OLAH: variants seen among roughly 807,000 people sequenced by gnomAD.
The protein encoded by OLAH is S-acyl fatty acid synthase thioesterase, medium chain.
In OLAH, 33 loss-of-function variants were observed where a neutral mutation model predicts 27.8. The ratio of observed to expected loss-of-function variants is 1.19; its 90% CI spans 0.90 to 1.59. OLAH has a LOEUF of 1.59. Among genes scored for constraint, OLAH ranks in the 40% most tolerant of loss-of-function variants. The pLI is 0.00. For missense variants in OLAH, 359 were observed against 310.8 expected, an observed-to-expected ratio of 1.16 and a Z score of -1.17; for synonymous variants, 120 against 102.9, an observed-to-expected ratio of 1.17 and a Z score of -1.01.
At chr10:15,042,308 C>T (rs1481029179), upstream of OLAH, among the ~76,000 whole-genome samples, 1 of 151,944 alleles carries the variant, frequency 6.6e-6, no homozygotes. Context: ...CCCGCCATCA[C>T]GCCCAGCTAA....
chr10:15,038,647 C>T (rs12241528), intron 1 of OLAH: 15,732 of 152,330 alleles, frequency 0.1, 1,022 homozygotes, highest in Admixed American at 0.17. Flanking sequence ...CCTTGCCTTC[C>T]ACCATGATTG....
intron 1 of OLAH, among the ~76,000 whole-genome samples, chr10:15,044,889 A>T (rs1843985748): frequency 6.6e-6 from 1 of 152,026 alleles, no homozygotes; most frequent in East Asian, 1.9e-4. Flanking sequence ...CTCTATAAAG[A>T]TTGCTTTTTT....
chr10:15,057,301 C>T (rs891429100), intron 3 of OLAH, among the ~76,000 whole-genome samples: 3 of 151,914 alleles, frequency 2.0e-5, no homozygotes, highest in Non-Finnish European at 2.9e-5. Flanking sequence ...GGCTTAGCAA[C>T]GCTTACTGAG....
At chr10:15,036,079 T>C (rs905130113) in intron 1 of OLAH, among the ~76,000 whole-genome samples, 4 of 152,206 alleles carry the variant, frequency 2.6e-5, no homozygotes, top group African/African-American at 9.7e-5. Flanking sequence ...CACGACCTGC[T>C]AAGAAGGTCC....
chr10:15,037,923 G>C, intron 1 of OLAH, among the ~76,000 whole-genome samples: 1 of 152,214 alleles, frequency 6.6e-6, no homozygotes, highest in East Asian at 1.9e-4. Flanking sequence ...GGCCAGGAAC[G>C]CTGCCTGGAT....
At chr10:15,037,580 C>CAAAA (rs66522152) in intron 1 of OLAH, among the ~76,000 whole-genome samples, 1 of 141,210 alleles carries the variant, frequency 7.1e-6, no homozygotes, top group Admixed American at 7.1e-5. Context: ...GACTCCGTAT[C>CAAAA]AAAAAAAAAA....
intron 1 of OLAH, among the ~76,000 whole-genome samples, chr10:15,045,369 A>C (rs1843995321): frequency 6.6e-6 from 1 of 152,202 alleles, no homozygotes; most frequent in Admixed American, 6.5e-5. Context: ...CACCAAAAAA[A>C]TTTGTATCCC....
chr10:15,062,535 T>G (rs1210517600), intron 4 of OLAH, among the ~76,000 whole-genome samples: 8 of 151,626 alleles, frequency 5.3e-5, no homozygotes, highest in African/African-American at 1.7e-4. Flanking sequence ...TTAAAAGCAA[T>G]GTACACTCAC....
At chr10:15,043,062 A>G (rs189011198), upstream of OLAH, among the ~76,000 whole-genome samples, 1,516 of 151,782 alleles carry the variant, frequency 1.0e-2, 18 homozygotes, top group African/African-American at 0.031. Context: ...GGGTTTCACC[A>G]TGTTAGCCAG....
upstream of OLAH, among the ~76,000 whole-genome samples, chr10:15,043,481 T>C (rs1843958272): frequency 2.6e-5 from 4 of 151,348 alleles, no homozygotes; most frequent in African/African-American, 4.8e-5. Context: ...CTTCTTCTTT[T>C]TTTTTTTTTT....
At chr10:15,052,892 AC>A (rs1461322162) in intron 3 of OLAH, among the ~76,000 whole-genome samples, 19 of 151,660 alleles carry the variant, frequency 1.3e-4, no homozygotes. Flanking sequence ...ACAGGCATGC[AC>A]CACCATGGCT....
chr10:15,046,274 C>G (rs748139916), intron 1 of OLAH, among the ~76,000 whole-genome samples: 11 of 151,190 alleles, frequency 7.3e-5, no homozygotes, highest in Non-Finnish European at 4.4e-5. Flanking sequence ...TGAACTTGAG[C>G]CACTGCACTC....
At chr10:15,071,765 A>G in intron 6 of OLAH, 30 bp from the exon 7 acceptor site, 3 of 1,563,204 alleles carry the variant, frequency 1.9e-6, no homozygotes, top group Non-Finnish European at 2.6e-6. Flanking sequence ...GATTTCAAAC[A>G]ATTACTAACC....
chr10:15,071,925 T>C (rs760928154), intron 7 of OLAH, 48 bp downstream of exon 7: 4 of 1,443,622 alleles, frequency 2.8e-6, no homozygotes, highest in Non-Finnish European at 3.9e-6. Context: ...ATATGTTTGA[T>C]GGCTTTAAAA....
At chr10:15,047,682 T>G (rs924926090) in intron 2 of OLAH, among the ~76,000 whole-genome samples, 1 of 152,106 alleles carries the variant, frequency 6.6e-6, no homozygotes, top group Non-Finnish European at 1.5e-5. Context: ...TCCAGCCTGG[T>G]TGACAGCAAG....
chr10:15,050,593 G>T (rs911380874), intron 3 of OLAH, among the ~76,000 whole-genome samples: 3 of 138,032 alleles, frequency 2.2e-5, no homozygotes, highest in African/African-American at 8.3e-5. Context: ...CCAGGCTGGA[G>T]TGCAGTAGCT....
rs1023921258 is a variant in OLAH, at chr10:15,052,167, C to G, written c.163+2402C>G. On this transcript the variant is annotated intron_variant, in intron 3 of 7. Transcript: ENST00000378228. ...GCGTAGTAGTGCACGCCTATAATCC[C>G]AGCTACTCGGGAGGCTGAGGCAGAA... Among the ~76,000 whole-genome samples, 7 of 152,254 alleles carry G rather than the reference C, an allele frequency of 4.6e-5. No individual in the cohort carries two copies. The East Asian group carries it at 1.3e-3, about 29-fold the overall frequency.
chr10:15,035,779 G>A (rs1843832499), intron 1 of OLAH, among the ~76,000 whole-genome samples: 2 of 152,168 alleles, frequency 1.3e-5, no homozygotes, highest in Non-Finnish European at 2.9e-5. Context: ...GGGGAGAAAG[G>A]GGAGCATGGG....
chr10:15,059,839 C>A lies in OLAH; in HGVS notation c.164-1885C>A, dbSNP rs1216090953. On this transcript the variant is annotated intron_variant, in intron 3 of 7. Transcript: ENST00000378228. ...AAATAAATAAATAAGAAATGTTTTGCCATTACCTTTGTATCTATGTCTCTC... is the reference window on the plus strand; with the variant it reads ...AAATAAATAAATAAGAAATGTTTTGACATTACCTTTGTATCTATGTCTCTC... Among the ~76,000 whole-genome samples, 3 of 152,166 alleles carry A rather than the reference C, an allele frequency of 2.0e-5. No individual in the cohort carries two copies. In the East Asian group the frequency reaches 5.8e-4, roughly 29 times the overall value.
Sources: gnomAD v4.1 joint callset for allele counts (sites outside exome capture counted in the v4.1 genomes callset) on GRCh38, gnomAD v4.1.1 for gene constraint, MANE v1.5 for transcripts, NCBI Gene and HGNC (gene_info 2026-07-23, HGNC 2026-07-21) for gene names.